Variants in TM2D1 observed in about 807,000 individuals in gnomAD.
TM2D1 encodes the protein TM2 domain containing 1.
In TM2D1, 15 loss-of-function variants were observed where a neutral mutation model predicts 28.4. The ratio of observed to expected loss-of-function variants is 0.53; its 90% CI spans 0.35 to 0.81. The LOEUF is 0.81. TM2D1 is among the 40% of genes least tolerant of loss of function. The pLI is 0.01. For missense variants in TM2D1, 236 were observed against 254.9 expected, an observed-to-expected ratio of 0.93 and a Z score of 0.50; for synonymous variants, 93 against 96.2, an observed-to-expected ratio of 0.97 and a Z score of 0.20.
chr1:61,713,488 CAAAA>C (rs369601221), intron 2 of TM2D1, among the ~76,000 whole-genome samples: 2 of 91,404 alleles, frequency 2.2e-5, no homozygotes, highest in African/African-American at 7.5e-5. Context: ...AACTCAAAAA[CAAAA>C]AAAAAAAAAA....
intron 2 of TM2D1, among the ~76,000 whole-genome samples, chr1:61,712,879 C>T (rs1321383093): frequency 6.6e-6 from 1 of 152,086 alleles, no homozygotes; most frequent in African/African-American, 2.4e-5. Context: ...AAAGAGTGCA[C>T]ACTTAAAAGC....
chr1:61,683,629 A>C (rs1644263474), intron 5 of TM2D1, 83 bp from the exon 6 acceptor site: 1 of 722,744 alleles, frequency 1.4e-6, no homozygotes, highest in African/African-American at 1.9e-5. Flanking sequence ...GTTGTTAATA[A>C]AAGTATTTCA....
chr1:61,700,702 C>T (rs1029254547), intron 4 of TM2D1, among the ~76,000 whole-genome samples: 6 of 152,170 alleles, frequency 3.9e-5, no homozygotes, highest in Non-Finnish European at 8.8e-5. Flanking sequence ...AATGCCTCCA[C>T]TATCTTGTGT....
At chr1:61,709,738 C>T (rs1449355814) in intron 2 of TM2D1, among the ~76,000 whole-genome samples, 4 of 152,194 alleles carry the variant, frequency 2.6e-5, no homozygotes, top group South Asian at 2.1e-4. Context: ...AATTGCACAA[C>T]ATTACTGCCC....
intron 2 of TM2D1, among the ~76,000 whole-genome samples, chr1:61,713,476 G>A (rs1409788911): frequency 2.6e-4 from 22 of 83,796 alleles, no homozygotes; most frequent in African/African-American, 2.8e-4. Flanking sequence ...AAGACCCCCC[G>A]CAACTCAAAA....
intron 2 of TM2D1, among the ~76,000 whole-genome samples, chr1:61,715,658 A>C (rs1178507331): frequency 6.7e-6 from 1 of 149,092 alleles, no homozygotes; most frequent in Non-Finnish European, 1.5e-5. Flanking sequence ...AAAAAAAAAA[A>C]AAAAAAAAAA....
chr1:61,706,335 C>G (rs1216629238), intron 3 of TM2D1, among the ~76,000 whole-genome samples: 1 of 152,132 alleles, frequency 6.6e-6, no homozygotes, highest in African/African-American at 2.4e-5. Flanking sequence ...TCTCGAGTAG[C>G]TGGGACTACA....
In TM2D1 at chr1:61,721,059, C is replaced by A. The variant is rs61568748; in HGVS notation, c.238+2654G>T. 9.1e-3 allele frequency among the ~76,000 whole-genome samples: 1,372 copies of A among 151,590 alleles called. 19 individuals are homozygous for A. Among genetic ancestry groups the A allele is most frequent in the African/African-American group, 0.032 (1,318 of 41,340 alleles). On this transcript the variant is annotated intron_variant, in intron 2 of 6. Coordinates refer to ENST00000606498, the MANE Select transcript of TM2D1 (RefSeq NM_032027.3). ...ACATGGTACATCCCATCGCTACTCA[C>A]CCCTCCAAAAAAATACAAAAAATTA...
chr1:61,683,526 T>C lies in TM2D1; in HGVS notation c.534A>G (p.Gly178=). The stretch of plus-strand genomic sequence containing the variant: ...CATAGTAATCTATAATGTAACTACT[T>C]CCATCTGAAGGTCCAACAATCTAGA... ...ISMQIVGPSD[G]SSYIIDYYGT... is the part of the protein sequence containing the mutation. Residue 178 remains glycine, a synonymous_variant, in exon 6 of 7, where the codon GGA becomes GGG. Coordinates refer to ENST00000606498, the MANE Select transcript of TM2D1 (RefSeq NM_032027.3). 1 of 1,526,054 alleles carries C rather than the reference T, an allele frequency of 6.6e-7. No homozygotes were observed. Among genetic ancestry groups the C allele is most frequent in the East Asian group, 2.4e-5 (1 of 42,458 alleles). The allele number at this position is 1,526,054 out of a possible 1,614,324, so 94.5% of individuals were successfully genotyped here.
At chr1:61,691,540 A>G (rs1644324866) in intron 5 of TM2D1, among the ~76,000 whole-genome samples, 1 of 151,360 alleles carries the variant, frequency 6.6e-6, no homozygotes, top group African/African-American at 2.4e-5. Context: ...GAATGAGGAA[A>G]GAGGTTTAAA....
chr1:61,692,594 T>C (rs545647792), intron 5 of TM2D1, among the ~76,000 whole-genome samples: 3 of 150,966 alleles, frequency 2.0e-5, no homozygotes, highest in South Asian at 2.1e-4. Flanking sequence ...GAAAGAAAAA[T>C]AAACAAAAAG....
rs183131140 is a variant in TM2D1 at position 61,702,893 on chromosome 1, G to C, written c.348-1868C>G. On this transcript the variant is annotated intron_variant, in intron 3 of 6. Transcript: ENST00000606498. ...GGCTGAGGCGGTTGGATCACATGAG[G>C]CCAGGAGTTTGAGACCAGCCTGGCC... 1.9e-4 allele frequency among the ~76,000 whole-genome samples: 29 copies of C among 151,414 alleles called. 1 individual carries two copies. The highest frequency in any genetic ancestry group is 4.2e-4 in the South Asian group (2 of 4,768).
At chr1:61,703,473 C>T (rs1213595004) in intron 3 of TM2D1, among the ~76,000 whole-genome samples, 1 of 143,482 alleles carries the variant, frequency 7.0e-6, no homozygotes, top group Non-Finnish European at 1.5e-5. Flanking sequence ...AATGCAATGG[C>T]ACGATCTCGG....
At chr1:61,683,313 G>A (rs1053032301) in intron 6 of TM2D1, 104 bp downstream of exon 6, 2 of 399,926 alleles carry the variant, frequency 5.0e-6, no homozygotes, top group Non-Finnish European at 8.8e-6. Flanking sequence ...GTACCTGAGA[G>A]GTTTATACGG....
At chr1:61,712,094 T>G (rs1280809817) in intron 2 of TM2D1, among the ~76,000 whole-genome samples, 1 of 152,000 alleles carries the variant, frequency 6.6e-6, no homozygotes, top group Admixed American at 6.6e-5. Context: ...CAGAGGACAT[T>G]TGGCAAGGTC....
At chr1:61,691,932 A>AAAAAATATATATATAT in intron 5 of TM2D1, among the ~76,000 whole-genome samples, 60 of 76,380 alleles carry the variant, frequency 7.9e-4, no homozygotes, top group East Asian at 2.8e-3. Flanking sequence ...AAAAAAAAAA[A>AAAAAATATATATATAT]ATATATATAT....
chr1:61,683,995 G>A (rs1644266403), intron 5 of TM2D1: 1 of 154,652 alleles, frequency 6.5e-6, no homozygotes, highest in Non-Finnish European at 1.4e-5. Context: ...TATGCGTACT[G>A]TGGACAAACT....
intron 5 of TM2D1, among the ~76,000 whole-genome samples, chr1:61,689,093 C>T (rs1644305963): frequency 6.6e-6 from 1 of 152,178 alleles, no homozygotes. Flanking sequence ...CTACATCTAG[C>T]AAACTATCAA....
chr1:61,723,137 G>C (rs1031017812), intron 2 of TM2D1, among the ~76,000 whole-genome samples: 2 of 152,092 alleles, frequency 1.3e-5, no homozygotes, highest in African/African-American at 4.8e-5. Flanking sequence ...GGTGCCAACT[G>C]AATGTTAAAT....
Sources: allele counts gnomAD v4.1 joint callset (sites outside exome capture counted in the v4.1 genomes callset), GRCh38; gene constraint gnomAD v4.1.1; transcripts MANE v1.5; gene names NCBI Gene and HGNC (gene_info 2026-07-23, HGNC 2026-07-21).